The following PLEKHG4B variants were observed in gnomAD, a reference collection of about 807,000 sequenced individuals.
The protein encoded by PLEKHG4B is pleckstrin homology and RhoGEF domain containing G4B.
PLEKHG4B carries 111 observed loss-of-function variants against 121.3 expected under a neutral mutation model. The observed-to-expected ratio is 0.92, with a 90% CI of 0.78 to 1.07. The LOEUF is 1.07. Ranked by LOEUF, PLEKHG4B falls within the 50% of genes least tolerant of loss-of-function variation. PLEKHG4B has a pLI of 0.00. For missense variants in PLEKHG4B, 1,831 were observed against 1,757.8 expected (o/e 1.04, Z -0.74); for synonymous variants, 738 against 725.0 (o/e 1.02, Z -0.29).
At chr5:106,835 C>CTG (rs367579482) in intron 1 of PLEKHG4B, among the ~76,000 whole-genome samples, 23 of 151,562 alleles carry the variant, frequency 1.5e-4, no homozygotes, top group African/African-American at 2.4e-4. Flanking sequence ...CGTGCAGCTT[C>CTG]TGTGTGTGTG....
intron 13 of PLEKHG4B, among the ~76,000 whole-genome samples, chr5:168,412 G>A (rs922250007): frequency 2.0e-5 from 3 of 152,168 alleles, no homozygotes; most frequent in Non-Finnish European, 4.4e-5. Context: ...GCTCCTTAAG[G>A]TGCTGAGCCC....
intron 13 of PLEKHG4B, among the ~76,000 whole-genome samples, chr5:164,977 AGCTCACACTAATGCTCTGACGGGGCAGG>A (rs1736250303): frequency 7.3e-5 from 3 of 41,154 alleles, no homozygotes; most frequent in Non-Finnish European, 1.6e-4. Context: ...GACGGGGCGG[AGCTCACACTAATGCTCTGACGGGGCAGG>A]GCTCACAGTA....
At chr5:141,711 A>ATTTTTT (rs34273619) in intron 3 of PLEKHG4B, among the ~76,000 whole-genome samples, 1,438 of 127,468 alleles carry the variant, frequency 0.011, 29 homozygotes, top group African/African-American at 0.025. Context: ...TAAATATTTC[A>ATTTTTT]TTTTTTTTTT....
At chr5:143,592 G>C in intron 5 of PLEKHG4B, 89 bp downstream of exon 5, 1 of 1,503,290 alleles carries the variant, frequency 6.7e-7, no homozygotes, top group Non-Finnish European at 9.1e-7. Context: ...GGAGGTGCCA[G>C]CTTCCATGGC....
At chr5:164,076 C>T (rs1560944040) in intron 13 of PLEKHG4B, among the ~76,000 whole-genome samples, 3 of 152,258 alleles carry the variant, frequency 2.0e-5, no homozygotes, top group African/African-American at 2.4e-5. Flanking sequence ...CTCCATCTTC[C>T]ACCCATGTGG....
At position 159,216 on chromosome 5, in the gene PLEKHG4B, T is replaced by A. The variant is rs140276675; in HGVS notation, c.2487+2305T>A. On this transcript the variant is annotated intron_variant, in intron 11 of 19. Transcript: ENST00000637938. The surrounding 1 kb of genome is among the most constrained non-coding windows in gnomAD (Gnocchi z 5.5). The stretch of plus-strand genomic sequence containing the variant: ...TGCCTGAGGGTGGCCCAGGTGTGCC[T>A]GAGGGTCGCCCAGGTGCACTGAGGG... Among the ~76,000 whole-genome samples, 22 of 119,286 alleles carry A rather than the reference T, an allele frequency of 1.8e-4. No homozygotes were observed. Among genetic ancestry groups the A allele is most frequent in the African/African-American group, 8.2e-4 (20 of 24,348 alleles). 78.3% of individuals were successfully genotyped at this position (119,286 alleles called of 152,430 possible). A position where few individuals can be genotyped will look rare whatever the true frequency, so the allele number is the denominator to read the frequency against.
At chr5:176,709 C>T (rs950187069) in intron 18 of PLEKHG4B, among the ~76,000 whole-genome samples, 1 of 152,250 alleles carries the variant, frequency 6.6e-6, no homozygotes, top group African/African-American at 2.4e-5. Context: ...GCAGAAGGTG[C>T]AGCTGATGCT....
Position 157,005 on chromosome 5 carries a change from G to A in PLEKHG4B, c.2487+94G>A. 6.8e-7 allele frequency: 1 copy of A among 1,472,036 alleles called. No homozygotes were observed. Among genetic ancestry groups the A allele is most frequent in the African/African-American group, 1.4e-5 (1 of 71,834 alleles). The allele number at this position is 1,472,036 out of a possible 1,614,324, so 91.2% of individuals were successfully genotyped here. ...CTCACCTTCACACTGTGTCTTTAGGGCCTTGATCTGATTTCCATTTGGAAT... is the reference window on the plus strand; with the variant it reads ...CTCACCTTCACACTGTGTCTTTAGGACCTTGATCTGATTTCCATTTGGAAT... On this transcript the variant is annotated intron_variant, in intron 11 of 19. Transcript: ENST00000637938. The surrounding 1 kb of genome is among the most constrained non-coding windows in gnomAD (Gnocchi z 4.6).
rs1309253301 is a variant in PLEKHG4B, at chr5:140,031, G to A, written c.792G>A (p.Arg264=). The A allele has an allele frequency of 2.3e-6, 1 of 427,388 alleles. No individual in the cohort carries two copies. The highest frequency in any genetic ancestry group is 4.1e-6 in the Non-Finnish European group (1 of 243,076). The allele number at this position is 427,388 out of a possible 1,614,324, so 26.5% of individuals were successfully genotyped here. A position where few individuals can be genotyped will look rare whatever the true frequency, so the allele number is the denominator to read the frequency against. ...RRGHTGSDQL[R]HLPYPERAEL... ...GGCATACGGGCAGCGACCAGCTCAG[G>A]CACCTTCCTTATCCAGAAAGAGCCG... Residue 264 remains arginine, a synonymous_variant, in exon 3 of 20, where the codon AGG becomes AGA. Transcript: ENST00000637938.
Position 156,885 on chromosome 5 carries a change from G to A in PLEKHG4B, c.2461G>A (p.Ala821Thr), listed in dbSNP as rs758562430. 1 of 1,611,514 alleles carries A rather than the reference G, an allele frequency of 6.2e-7. No individual in the cohort carries two copies. Among genetic ancestry groups the A allele is most frequent in the Non-Finnish European group, 8.5e-7 (1 of 1,179,306 alleles). The change falls in exon 11 of 20, where the codon GCG (alanine) becomes ACG (threonine). Residue 821 changes from alanine (A) to threonine (T), a missense_variant. Transcript: ENST00000637938. This position sits in a 1 kb window ranked among gnomAD's most constrained non-coding sequence, Gnocchi z 4.4. The stretch of plus-strand genomic sequence containing the variant: ...GCAGCTGGAGCACCTCCGGGAGCTG[G>A]CGTCACTCCTGGAAGGGAATGACCA... ...LQQLEHLREL[A>T]SLLEGNDQQS...
chr5:162,816 T>C lies in PLEKHG4B; in HGVS notation c.2744T>C (p.Val915Ala). ...AGCTGTCACCAGGAGGCTACCTCGGTGGCTGCAGAGGCCTTCCCCGGGGCA... is the reference window on the plus strand; with the variant it reads ...AGCTGTCACCAGGAGGCTACCTCGGCGGCTGCAGAGGCCTTCCCCGGGGCA... ...LRSCHQEATS[V>A]AAEAFPGAGV... Residue 915 changes from valine to alanine, a missense_variant, in exon 13 of 20, where the codon GTG becomes GCG. Val to Ala is a moderately conservative substitution (Grantham distance 64). Coordinates refer to ENST00000637938, the MANE Select transcript of PLEKHG4B (RefSeq NM_052909.5). 1.3e-6 allele frequency: 2 copies of C among 1,506,364 alleles called. No homozygotes were observed. The highest frequency in any genetic ancestry group is 1.8e-6 in the Non-Finnish European group (2 of 1,127,720). 93.3% of individuals were successfully genotyped at this position (1,506,364 alleles called of 1,614,324 possible).
Position 173,917 on chromosome 5 carries a change from G to GA in PLEKHG4B, c.4222dup (p.Thr1408AsnfsTer18). On this transcript the variant is annotated frameshift_variant and splice_region_variant. Transcript: ENST00000637938. LOFTEE classifies it high-confidence loss of function. ...CTGCAATGGGTGTTTGCTGACTGCAGACGGCCGAGATCGGGATGACAGAGA... is the reference window on the plus strand; with the variant it reads ...CTGCAATGGGTGTTTGCTGACTGCAGAACGGCCGAGATCGGGATGACAGAGA... 1 of 1,613,084 alleles carries GA rather than the reference G, an allele frequency of 6.2e-7. No homozygotes were observed. Among genetic ancestry groups the GA allele is most frequent in the Non-Finnish European group, 8.5e-7 (1 of 1,179,674 alleles).
In PLEKHG4B at chr5:169,622, G is replaced by T. The variant is rs764841104; in HGVS notation, c.3729+30G>T. ...GTGCAGGCCATGGCGTGGGTGCCGG[G>T]CAACGTGGTGGGTGAAGCCGGTGTC... On this transcript the variant is annotated intron_variant, in intron 14 of 19. Coordinates refer to ENST00000637938, the MANE Select transcript of PLEKHG4B (RefSeq NM_052909.5). 1.9e-6 allele frequency: 3 copies of T among 1,606,238 alleles called. No individual in the cohort carries two copies. In the African/African-American group the frequency reaches 4.0e-5, roughly 21 times the overall value.
chr5:114,898 C>T (rs557641233), intron 2 of PLEKHG4B, among the ~76,000 whole-genome samples: 1 of 152,246 alleles, frequency 6.6e-6, no homozygotes, highest in East Asian at 1.9e-4. Context: ...AGGCTTGAAC[C>T]CCTCAGTGTC....
At chr5:152,439 G>A (rs550744127) in intron 7 of PLEKHG4B, among the ~76,000 whole-genome samples, 5 of 151,726 alleles carry the variant, frequency 3.3e-5, no homozygotes, top group South Asian at 2.1e-4. Flanking sequence ...TCGAAGTCCC[G>A]GCCTTAGGCA....
chr5:105,570 A>AGC, intron 1 of PLEKHG4B, among the ~76,000 whole-genome samples: 1 of 152,244 alleles, frequency 6.6e-6, no homozygotes, highest in Admixed American at 6.5e-5. Flanking sequence ...ACTGTTTAAA[A>AGC]CAGGATCCCA....
Position 163,120 on chromosome 5 carries a change from G to A in PLEKHG4B, c.3048G>A (p.Ala1016=), listed in dbSNP as rs146510418. 1,618 of 1,563,866 alleles carry A rather than the reference G, an allele frequency of 1.0e-3. 4 individuals carry two copies. Among genetic ancestry groups the A allele is most frequent in the Non-Finnish European group, 1.2e-3 (1,440 of 1,154,740 alleles). Residue 1016 remains alanine (A), a synonymous_variant, in exon 13 of 20, where the codon GCG becomes GCA. Transcript: ENST00000637938. ...AQPLSGLPGR[A]LLCGQDGETL... ...CACTGTCCGGCCTCCCTGGACGAGC[G>A]CTTCTGTGTGGACAGGACGGGGAGA...
In PLEKHG4B at chr5:151,964, C is replaced by T. The variant is rs987517346; in HGVS notation, c.1992+365C>T. Among the ~76,000 whole-genome samples, 6 of 152,310 alleles carry T rather than the reference C, an allele frequency of 3.9e-5. No homozygotes were observed. The South Asian group carries it at 1.2e-3, about 32-fold the overall frequency. The stretch of plus-strand genomic sequence containing the variant: ...TCCCCTCAGCACTTTAAAGATACTG[C>T]TCTGTTGCCTTCTGGCCTCCATAAT... On this transcript the variant is annotated intron_variant, in intron 7 of 19. Coordinates refer to ENST00000637938, the MANE Select transcript of PLEKHG4B (RefSeq NM_052909.5).
In PLEKHG4B at chr5:188,210, G is replaced by T. The variant is rs1446350782; in HGVS notation, c.*5887G>T. ...AGCTCCAGCCTCCCGTTCAGAGAAG[G>T]CTCCATCCTGGGGACACGCCTCTCC... is the stretch of plus-strand genomic sequence containing the variant. On this transcript the variant is annotated 3_prime_UTR_variant, in exon 20 of 20. Transcript: ENST00000637938. 3 of 152,342 alleles carry T rather than the reference G, an allele frequency of 2.0e-5. No individual in the cohort carries two copies. Among genetic ancestry groups the T allele is most frequent in the African/African-American group, 7.2e-5 (3 of 41,458 alleles). 9.4% of individuals were successfully genotyped at this position (152,342 alleles called of 1,614,324 possible).
Sources: gnomAD v4.1 joint callset for allele counts (sites outside exome capture counted in the v4.1 genomes callset) on GRCh38, gnomAD v4.1.1 for gene constraint, Gnocchi (gnomAD v3.1) non-coding constraint, MANE v1.5 for transcripts, NCBI Gene and HGNC (gene_info 2026-07-23, HGNC 2026-07-21) for gene names.